Variants in FGF12 observed in about 807,000 individuals in gnomAD.
The protein encoded by FGF12 is fibroblast growth factor 12.
In FGF12, 14 loss-of-function variants were observed where a neutral mutation model predicts 23.6. The ratio of observed to expected loss-of-function variants is 0.59; its 90% CI spans 0.39 to 0.93. The LOEUF is 0.93. FGF12 is among the 40% of genes least tolerant of loss of function. FGF12 has a pLI of 0.00. For missense variants in FGF12, 175 were observed against 217.8 expected (o/e 0.80, Z 1.24); for synonymous variants, 62 against 77.3 (o/e 0.80, Z 1.04).
chr3:192,677,043 C>A (rs1717349816), intron 2 of FGF12, among the ~76,000 whole-genome samples: 1 of 152,222 alleles, frequency 6.6e-6, no homozygotes, highest in Non-Finnish European at 1.5e-5. Flanking sequence ...AGTCACTCAT[C>A]TGCCATATGG....
At chr3:192,453,872 T>C (rs1009498047) in intron 2 of FGF12, among the ~76,000 whole-genome samples, 1 of 152,194 alleles carries the variant, frequency 6.6e-6, no homozygotes, top group Non-Finnish European at 1.5e-5. Flanking sequence ...ACTTTATTTC[T>C]CTATAAACTT....
intron 2 of FGF12, among the ~76,000 whole-genome samples, chr3:192,620,245 C>T (rs1002372981): frequency 3.9e-5 from 3 of 76,170 alleles, no homozygotes; most frequent in African/African-American, 1.0e-4. Context: ...CACACACGCG[C>T]GCGCGCGCGC....
At chr3:192,293,039 C>G (rs1415341587) in intron 4 of FGF12, among the ~76,000 whole-genome samples, 1 of 152,070 alleles carries the variant, frequency 6.6e-6, no homozygotes, top group African/African-American at 2.4e-5. Context: ...TTCATCCTAC[C>G]AACGTGCTGG....
At chr3:192,439,909 G>A (rs1722151062) in intron 2 of FGF12, among the ~76,000 whole-genome samples, 1 of 151,356 alleles carries the variant, frequency 6.6e-6, no homozygotes, top group African/African-American at 2.4e-5. Flanking sequence ...CCGGGAGGCA[G>A]AGGCTGCAGT....
chr3:192,354,220 T>C (rs1718363085), intron 3 of FGF12, among the ~76,000 whole-genome samples: 1 of 152,234 alleles, frequency 6.6e-6, no homozygotes, highest in Non-Finnish European at 1.5e-5. Context: ...AATGAAAGTG[T>C]ATTTGTATTC....
intron 2 of FGF12, among the ~76,000 whole-genome samples, chr3:192,679,048 A>C (rs2108704715): frequency 6.6e-6 from 1 of 152,226 alleles, no homozygotes; most frequent in Middle Eastern, 3.4e-3. Context: ...ACTTTTGAGA[A>C]TCTCCGCTCT....
chr3:192,397,689 C>A (rs748912850), intron 2 of FGF12, among the ~76,000 whole-genome samples: 5 of 152,274 alleles, frequency 3.3e-5, no homozygotes, highest in Non-Finnish European at 7.3e-5. Flanking sequence ...GGGTGACTTT[C>A]CTTTCTCAAA....
chr3:192,528,616 C>T (rs1244177252), intron 2 of FGF12, among the ~76,000 whole-genome samples: 1 of 152,210 alleles, frequency 6.6e-6, no homozygotes, highest in African/African-American at 2.4e-5. Context: ...CATTTCCCTT[C>T]CACACTGCCC....
rs568262497 is a variant in FGF12, at chr3:192,370,248, T to C, written c.14-9710A>G. ...TTTTCTAATTATACATCTCTATCAGTAAAATATTTTAAATCTACAGCCTTC... is the reference window on the plus strand; with the variant it reads ...TTTTCTAATTATACATCTCTATCAGCAAAATATTTTAAATCTACAGCCTTC... On this transcript the variant is annotated intron_variant, in intron 2 of 5. Coordinates refer to ENST00000445105, the MANE Select transcript of FGF12 (RefSeq NM_004113.6). Among the ~76,000 whole-genome samples, 10 of 152,334 alleles carry C rather than the reference T, an allele frequency of 6.6e-5. No homozygotes were observed. The South Asian group carries it at 2.1e-3, about 32-fold the overall frequency.
intron 4 of FGF12, among the ~76,000 whole-genome samples, chr3:192,301,420 A>G (rs147322440): frequency 1.7e-4 from 26 of 152,322 alleles, no homozygotes; most frequent in Non-Finnish European, 3.2e-4. Context: ...TGTATTGAAC[A>G]CTTATTATGT....
chr3:192,407,834 T>C (rs989066898), intron 2 of FGF12, among the ~76,000 whole-genome samples: 1 of 152,152 alleles, frequency 6.6e-6, no homozygotes, highest in Non-Finnish European at 1.5e-5. Context: ...CAAAGTAGAG[T>C]GTTTTTGCTG....
intron 2 of FGF12, among the ~76,000 whole-genome samples, chr3:192,575,970 G>T (rs1280157267): frequency 6.6e-6 from 1 of 152,034 alleles, no homozygotes; most frequent in Non-Finnish European, 1.5e-5. Flanking sequence ...TTCACCAATA[G>T]ATTTTTTACT....
At chr3:192,558,877 G>A (rs1386961157) in intron 2 of FGF12, among the ~76,000 whole-genome samples, 1 of 151,872 alleles carries the variant, frequency 6.6e-6, no homozygotes, top group African/African-American at 2.4e-5. Flanking sequence ...AACAAATAGT[G>A]TTGGGAAAAT....
At chr3:192,538,126 T>A (rs1410786116) in intron 2 of FGF12, among the ~76,000 whole-genome samples, 2 of 152,044 alleles carry the variant, frequency 1.3e-5, no homozygotes, top group Non-Finnish European at 2.9e-5. Context: ...TTTTGTATTT[T>A]TAGTAAAGAT....
In FGF12 at chr3:192,336,108, T is replaced by TACACACACACAC. The variant is rs34991386; in HGVS notation, c.125-656_125-645dup. On this transcript the variant is annotated intron_variant, in intron 3 of 5. Coordinates refer to ENST00000445105, the MANE Select transcript of FGF12 (RefSeq NM_004113.6). The surrounding 1 kb of genome is among the most constrained non-coding windows in gnomAD (Gnocchi z 4.3). The stretch of plus-strand genomic sequence containing the variant: ...ATATATTTTATATCCAGGTGGGAAA[T>TACACACACACAC]ACACACACACACACACACACACACA... 0.012 allele frequency among the ~76,000 whole-genome samples: 1,685 copies of TACACACACACAC among 144,010 alleles called. 25 individuals carry two copies. The highest frequency in any genetic ancestry group is 0.04 in the African/African-American group (1,566 of 38,928). The allele number at this position is 144,010 out of a possible 152,430, so 94.5% of individuals were successfully genotyped here.
chr3:192,426,616 T>G (rs1441408025), intron 2 of FGF12, among the ~76,000 whole-genome samples: 1 of 152,192 alleles, frequency 6.6e-6, no homozygotes, highest in Non-Finnish European at 1.5e-5. Flanking sequence ...ATATTCTTCA[T>G]CAACTTCCTA....
chr3:192,719,509 T>A (rs984520824), intron 2 of FGF12, among the ~76,000 whole-genome samples: 2 of 152,038 alleles, frequency 1.3e-5, no homozygotes, highest in Non-Finnish European at 1.5e-5. Context: ...AAATAAAGAG[T>A]GATTTACATG....
chr3:192,678,534 C>T (rs549378673), intron 2 of FGF12, among the ~76,000 whole-genome samples: 3 of 152,262 alleles, frequency 2.0e-5, no homozygotes, highest in Non-Finnish European at 2.9e-5. Flanking sequence ...ACAATTTCTC[C>T]CTCCACTCAA....
In FGF12 at chr3:192,142,241, G is replaced by C. The variant is rs2108573763; in HGVS notation, c.*1768C>G. 1 of 152,566 alleles carries C rather than the reference G, an allele frequency of 6.6e-6. No homozygotes were observed. Among genetic ancestry groups the C allele is most frequent in the East Asian group, 1.9e-4 (1 of 5,180 alleles). 9.5% of individuals were successfully genotyped at this position (152,566 alleles called of 1,614,324 possible). On this transcript the variant is annotated 3_prime_UTR_variant, in exon 6 of 6. Coordinates refer to ENST00000445105, the MANE Select transcript of FGF12 (RefSeq NM_004113.6). ...TCTAGATAACAGAAATAGGATACCTGGTGAAGGATATGGTCCACTATTGAA... is the reference window on the plus strand; with the variant it reads ...TCTAGATAACAGAAATAGGATACCTCGTGAAGGATATGGTCCACTATTGAA...
Sources: allele counts gnomAD v4.1 joint callset (sites outside exome capture counted in the v4.1 genomes callset), GRCh38; gene constraint gnomAD v4.1.1; non-coding constraint Gnocchi (gnomAD v3.1); transcripts MANE v1.5; gene names NCBI Gene and HGNC (gene_info 2026-07-23, HGNC 2026-07-21).